Variants in DLEU7 observed in about 807,000 individuals in gnomAD.
DLEU7 encodes deleted in lymphocytic leukemia 7.
In DLEU7, 17 loss-of-function variants were observed where a neutral mutation model predicts 16.0. The ratio of observed to expected loss-of-function variants is 1.06; its 90% CI spans 0.73 to 1.59. The LOEUF is 1.59. Ranked by LOEUF, DLEU7 falls within the 40% of genes most tolerant of loss-of-function variation. The pLI is 0.00. For missense variants in DLEU7, 308 were observed against 314.9 expected, an observed-to-expected ratio of 0.98 and a Z score of 0.17; for synonymous variants, 113 against 139.8, an observed-to-expected ratio of 0.81 and a Z score of 1.35.
chr13:50,716,387 T>C, intron 1 of DLEU7, among the ~76,000 whole-genome samples: 1 of 152,236 alleles, frequency 6.6e-6, no homozygotes, highest in Non-Finnish European at 1.5e-5. Context: ...ATTATTTACA[T>C]GGAATAATGC....
chr13:50,711,798 A>G (rs1873300809), downstream of DLEU7: 4 of 127,282 alleles, frequency 3.1e-5, 1 homozygote, highest in African/African-American at 1.4e-4. Context: ...TACTACCTAT[A>G]CCTACATGAG....
At chr13:50,745,576 AAT>A in intron 1 of DLEU7, among the ~76,000 whole-genome samples, 1 of 152,178 alleles carries the variant, frequency 6.6e-6, no homozygotes, top group Non-Finnish European at 1.5e-5. Flanking sequence ...AAAAAGAATA[AAT>A]ATATACACAT....
intron 1 of DLEU7, among the ~76,000 whole-genome samples, chr13:50,793,869 G>A (rs903851798): frequency 1.1e-4 from 17 of 152,078 alleles, no homozygotes; most frequent in African/African-American, 3.4e-4. Context: ...GGACCCATTT[G>A]TCAATTTCTA....
chr13:50,762,736 CA>C (rs1164091703), intron 1 of DLEU7, among the ~76,000 whole-genome samples: 7 of 143,006 alleles, frequency 4.9e-5, no homozygotes, highest in South Asian at 2.3e-4. Flanking sequence ...CAAAACAAAA[CA>C]AAAAAACAAC....
At chr13:50,733,814 TA>T (rs1477714742) in intron 1 of DLEU7, among the ~76,000 whole-genome samples, 1 of 152,180 alleles carries the variant, frequency 6.6e-6, no homozygotes, top group African/African-American at 2.4e-5. Context: ...TAACTATCAT[TA>T]AAGCCTCACA....
chr13:50,753,005 C>T (rs1343889119), intron 1 of DLEU7, among the ~76,000 whole-genome samples: 1 of 152,092 alleles, frequency 6.6e-6, no homozygotes, highest in Non-Finnish European at 1.5e-5. Context: ...TTCTCCTCGT[C>T]CCCACCAGAT....
At chr13:50,805,852 T>A (rs1876373186) in intron 1 of DLEU7, among the ~76,000 whole-genome samples, 1 of 152,228 alleles carries the variant, frequency 6.6e-6, no homozygotes, top group Admixed American at 6.5e-5. Flanking sequence ...AGTAAAGTTT[T>A]ATTGGAATAT....
At chr13:50,801,065 T>C (rs1876232728) in intron 1 of DLEU7, among the ~76,000 whole-genome samples, 1 of 152,192 alleles carries the variant, frequency 6.6e-6, no homozygotes. Context: ...ATGAGGATTG[T>C]GACTCTACAG....
At chr13:50,768,228 A>G (rs1875178597) in intron 1 of DLEU7, among the ~76,000 whole-genome samples, 2 of 152,198 alleles carry the variant, frequency 1.3e-5, no homozygotes, top group South Asian at 4.1e-4. Flanking sequence ...ACACATATAT[A>G]CATATATATA....
intron 1 of DLEU7, among the ~76,000 whole-genome samples, chr13:50,764,094 T>C (rs562917370): frequency 1.3e-5 from 2 of 152,316 alleles, no homozygotes; most frequent in Non-Finnish European, 2.9e-5. Flanking sequence ...TGGCCAGACC[T>C]GGGTTTGAAT....
intron 1 of DLEU7, among the ~76,000 whole-genome samples, chr13:50,816,356 C>T (rs1566261159): frequency 6.6e-6 from 1 of 152,040 alleles, no homozygotes; most frequent in African/African-American, 2.4e-5. Context: ...CATATACTTC[C>T]ATTCTGAGTT....
intron 1 of DLEU7, among the ~76,000 whole-genome samples, chr13:50,796,853 C>T (rs1384878513): frequency 1.3e-5 from 2 of 152,128 alleles, no homozygotes; most frequent in Non-Finnish European, 2.9e-5. Flanking sequence ...AGAGAGACCA[C>T]TTGGAGTGGA....
intron 1 of DLEU7, among the ~76,000 whole-genome samples, chr13:50,721,361 T>C (rs1356186064): frequency 2.0e-5 from 3 of 152,190 alleles, no homozygotes; most frequent in Admixed American, 6.5e-5. Flanking sequence ...CAGCCTATCA[T>C]GGGATTTCAC....
chr13:50,768,807 G>A (rs569171031), intron 1 of DLEU7, among the ~76,000 whole-genome samples: 2 of 152,260 alleles, frequency 1.3e-5, no homozygotes, highest in South Asian at 4.1e-4. Flanking sequence ...CCCAGTAATG[G>A]GATGGCTCGG....
At chr13:50,769,542 G>A (rs1241936413) in intron 1 of DLEU7, among the ~76,000 whole-genome samples, 1 of 152,054 alleles carries the variant, frequency 6.6e-6, no homozygotes, top group Non-Finnish European at 1.5e-5. Flanking sequence ...TATTAAATAG[G>A]GAGTCCTTTC....
At chr13:50,784,699 G>A (rs937480136) in intron 1 of DLEU7, among the ~76,000 whole-genome samples, 4 of 152,140 alleles carry the variant, frequency 2.6e-5, no homozygotes, top group African/African-American at 4.8e-5. Flanking sequence ...TCTCCCTAGC[G>A]GTGACCTTAG....
intron 1 of DLEU7, among the ~76,000 whole-genome samples, chr13:50,749,525 A>G (rs1053149350): frequency 1.3e-4 from 20 of 152,142 alleles, no homozygotes; most frequent in African/African-American, 4.6e-4. Context: ...TGTTTTCCAT[A>G]GTGGCTGTAC....
downstream of DLEU7, among the ~76,000 whole-genome samples, chr13:50,822,389 A>G (rs1876933276): frequency 6.6e-6 from 1 of 152,100 alleles, no homozygotes; most frequent in African/African-American, 2.4e-5. Context: ...TGCTGTTTCT[A>G]TTAAAATTTT....
chr13:50,778,196 G>T (rs1451918734), intron 1 of DLEU7, among the ~76,000 whole-genome samples: 1 of 152,184 alleles, frequency 6.6e-6, no homozygotes, highest in Non-Finnish European at 1.5e-5. Context: ...TCTTCTCGTG[G>T]TAGCAGGGGA....
Sources: gnomAD v4.1 joint callset for allele counts (sites outside exome capture counted in the v4.1 genomes callset) on GRCh38, gnomAD v4.1.1 for gene constraint, MANE v1.5 for transcripts, NCBI Gene and HGNC (gene_info 2026-07-23, HGNC 2026-07-21) for gene names.